The following PDE4D variants were observed in gnomAD, a reference collection of about 807,000 sequenced individuals.
The protein encoded by PDE4D is phosphodiesterase 4D, also known as 3',5'-cyclic-AMP phosphodiesterase 4D.
A neutral mutation model predicts 87.4 loss-of-function variants in PDE4D; 24 were observed. The observed-to-expected ratio is 0.27, with a 90% CI of 0.20 to 0.39. PDE4D has a LOEUF of 0.39. PDE4D is among the 10% of genes least tolerant of loss of function. The pLI is 1.00. For synonymous variants in PDE4D, 384 were observed against 383.2 expected (o/e 1.00, Z -0.02); for missense variants, 714 against 1,041.0 (o/e 0.69, Z 4.32).
At chr5:59,649,904 C>CTTTTTTTTTTTTTTT (rs1561402852) in intron 1 of PDE4D, among the ~76,000 whole-genome samples, 2,475 of 73,942 alleles carry the variant, frequency 0.033, 698 homozygotes, top group South Asian at 0.048. Flanking sequence ...AGTTTGTGAA[C>CTTTTTTTTTTTTTTT]CTTTTTTTTT....
At chr5:59,169,216 T>A (rs1305935046) in intron 5 of PDE4D, among the ~76,000 whole-genome samples, 1 of 152,186 alleles carries the variant, frequency 6.6e-6, no homozygotes, top group African/African-American at 2.4e-5. Context: ...CCACAGTCAC[T>A]GTATTTCTGA....
At chr5:60,141,623 A>G (rs564911358) in intron 2 of PDE4D, among the ~76,000 whole-genome samples, 77 of 152,202 alleles carry the variant, frequency 5.1e-4, no homozygotes, top group Non-Finnish European at 8.8e-4. Context: ...GACGTGCTTC[A>G]CCTGATCCTG....
At position 59,679,936 on chromosome 5, in the gene PDE4D, T is replaced by C. The variant is rs188516460; in HGVS notation, c.455+213232A>G. 6.6e-4 allele frequency among the ~76,000 whole-genome samples: 100 copies of C among 152,212 alleles called. 1 individual carries two copies. Among genetic ancestry groups the C allele is most frequent in the African/African-American group, 2.4e-3 (98 of 41,568 alleles). On this transcript the variant is annotated intron_variant, in intron 1 of 14. Transcript: ENST00000340635. ...ATTTTCTCTCAAGACATAAATATTA[T>C]CAGGTTTCTCTATTTGCTGTATCTT...
At chr5:60,000,859 G>C (rs1050825349) in intron 2 of PDE4D, among the ~76,000 whole-genome samples, 33 of 152,106 alleles carry the variant, frequency 2.2e-4, no homozygotes, top group African/African-American at 8.0e-4. Context: ...TGAAACTGTG[G>C]CCTGAGAGCA....
chr5:59,546,683 C>T (rs1291820446), intron 1 of PDE4D, among the ~76,000 whole-genome samples: 1 of 152,084 alleles, frequency 6.6e-6, no homozygotes, highest in African/African-American at 2.4e-5. Context: ...GAAATGATTA[C>T]AACTTCAGAG....
At chr5:59,966,403 C>T (rs1184808934) in intron 3 of PDE4D, among the ~76,000 whole-genome samples, 1 of 152,148 alleles carries the variant, frequency 6.6e-6, no homozygotes, top group Non-Finnish European at 1.5e-5. Flanking sequence ...TATATTTTTA[C>T]ATTTTGTAGA....
intron 1 of PDE4D, among the ~76,000 whole-genome samples, chr5:60,426,620 T>C (rs1423855349): frequency 5.9e-5 from 9 of 152,156 alleles, no homozygotes; most frequent in African/African-American, 2.2e-4. Flanking sequence ...ACATGGCACA[T>C]GTATACATAT....
chr5:60,402,279 C>G (rs551835878), intron 1 of PDE4D, among the ~76,000 whole-genome samples: 1 of 152,184 alleles, frequency 6.6e-6, no homozygotes, highest in Non-Finnish European at 1.5e-5. Flanking sequence ...GGAAGACATG[C>G]GAATTTTGGC....
intron 1 of PDE4D, among the ~76,000 whole-genome samples, chr5:60,336,044 C>T (rs1016541724): frequency 1.3e-5 from 2 of 152,038 alleles, no homozygotes; most frequent in African/African-American, 2.4e-5. Flanking sequence ...TATTGGAGAG[C>T]GAGGAAAAGA....
At chr5:59,633,644 C>T (rs551896732) in intron 1 of PDE4D, among the ~76,000 whole-genome samples, 57 of 152,272 alleles carry the variant, frequency 3.7e-4, no homozygotes, top group African/African-American at 1.3e-3. Context: ...AACTAAGCTT[C>T]ATAATTGAAG....
At chr5:59,803,588 C>T (rs373104617) in intron 1 of PDE4D, among the ~76,000 whole-genome samples, 5 of 152,282 alleles carry the variant, frequency 3.3e-5, no homozygotes, top group African/African-American at 7.2e-5. Context: ...TGTGAGCCAC[C>T]GCACCTGGCC....
In PDE4D at chr5:59,330,287, A is replaced by G. The variant is rs187146915; in HGVS notation, c.456-114319T>C. On this transcript the variant is annotated intron_variant, in intron 1 of 14. Coordinates refer to ENST00000340635, the MANE Select transcript of PDE4D (RefSeq NM_001104631.2). ...GTAGCATTTAAGCAAAACCTGGTAC[A>G]GAAGTGAAATATATAGTTGAAGCCA... 7.4e-3 allele frequency among the ~76,000 whole-genome samples: 1,131 copies of G among 152,312 alleles called. 13 individuals are homozygous for G. The highest frequency in any genetic ancestry group is 0.025 in the African/African-American group (1,052 of 41,564).
chr5:59,028,803 A>C (rs538441080), intron 6 of PDE4D, among the ~76,000 whole-genome samples: 45 of 152,310 alleles, frequency 3.0e-4, no homozygotes, highest in African/African-American at 1.1e-3. Flanking sequence ...TTAGTCTCTA[A>C]ATTGTTCTTG....
At chr5:59,592,080 AC>A in intron 1 of PDE4D, 1 of 964,368 alleles carries the variant, frequency 1.0e-6, no homozygotes, top group Non-Finnish European at 1.2e-6. Flanking sequence ...TGTGCTTCCA[AC>A]CCCACCTCCC....
intron 1 of PDE4D, among the ~76,000 whole-genome samples, chr5:59,673,922 A>G (rs1303860711): frequency 6.6e-6 from 1 of 152,180 alleles, no homozygotes; most frequent in East Asian, 1.9e-4. Context: ...ATATCTTCAC[A>G]TGGAACATTT....
intron 5 of PDE4D, among the ~76,000 whole-genome samples, chr5:59,125,916 G>T (rs1366150354): frequency 2.0e-5 from 3 of 152,016 alleles, no homozygotes; most frequent in African/African-American, 7.3e-5. Context: ...CGGGGGAGGG[G>T]GCACAAGGAG....
At chr5:59,701,499 A>T (rs1325078922) in intron 1 of PDE4D, among the ~76,000 whole-genome samples, 1 of 152,214 alleles carries the variant, frequency 6.6e-6, no homozygotes, top group Non-Finnish European at 1.5e-5. Context: ...TGAGTGAGTG[A>T]GTGAATGAAT....
At chr5:59,767,909 A>T (rs1433713176) in intron 1 of PDE4D, among the ~76,000 whole-genome samples, 4 of 152,070 alleles carry the variant, frequency 2.6e-5, no homozygotes, top group Admixed American at 6.5e-5. Context: ...GCTGGCAGGG[A>T]AATTGGTTTA....
intron 1 of PDE4D, among the ~76,000 whole-genome samples, chr5:59,397,154 A>G (rs1789578970): frequency 8.4e-6 from 1 of 119,474 alleles, no homozygotes; most frequent in South Asian, 2.9e-4. Flanking sequence ...CCCCACTGTC[A>G]ACATTAGACA....
Sources: allele counts gnomAD v4.1 joint callset (sites outside exome capture counted in the v4.1 genomes callset), GRCh38; gene constraint gnomAD v4.1.1; transcripts MANE v1.5; gene names NCBI Gene and HGNC (gene_info 2026-07-23, HGNC 2026-07-21).